The following ABCG1 variants were observed in gnomAD, a reference collection of about 807,000 sequenced individuals.
ABCG1 encodes ATP-binding cassette sub-family G member 1.
Under a neutral mutation model 69.2 loss-of-function variants are expected in ABCG1, and 29 were observed. That is an observed-to-expected ratio of 0.42 (90% CI 0.31 to 0.57). The LOEUF (loss-of-function observed/expected upper bound fraction) is 0.57, where lower values mean the gene tolerates loss of function less well. ABCG1 is among the 20% of genes least tolerant of loss of function. ABCG1 has a pLI of 0.15. For missense variants in ABCG1, 718 were observed against 898.1 expected, an observed-to-expected ratio of 0.80 and a Z score of 2.56; for synonymous variants, 370 against 374.8, an observed-to-expected ratio of 0.99 and a Z score of 0.15.
chr21:42,217,182 G>A (rs1028515284), upstream of ABCG1, among the ~76,000 whole-genome samples: 17 of 152,294 alleles, frequency 1.1e-4, no homozygotes, highest in Middle Eastern at 3.4e-3. Flanking sequence ...CTATTCTCGA[G>A]CTGAAGGTGA....
rs756794650 is a variant in ABCG1 at position 42,284,693 on chromosome 21, C to A, written c.858+10C>A. ...CGAGCTGTTCGACCAGGTACGCGGG[C>A]CCCGGGCCCTCCCCGCCAGATTACC... On this transcript the variant is annotated intron_variant, in intron 7 of 14. Coordinates refer to ENST00000398449, the MANE Select transcript of ABCG1 (RefSeq NM_016818.3). 11 of 1,611,468 alleles carry A rather than the reference C, an allele frequency of 6.8e-6. No homozygotes were observed. Among genetic ancestry groups the A allele is most frequent in the Non-Finnish European group, 9.3e-6 (11 of 1,179,786 alleles).
At chr21:42,202,917 A>G (rs2067518036) in intron 2 of ABCG1, among the ~76,000 whole-genome samples, 1 of 152,164 alleles carries the variant, frequency 6.6e-6, no homozygotes, top group Non-Finnish European at 1.5e-5. Context: ...CCAGACTTCA[A>G]CAGTCACAGC....
chr21:42,228,957 G>A (rs2067860166), intron 2 of ABCG1, among the ~76,000 whole-genome samples: 1 of 152,216 alleles, frequency 6.6e-6, no homozygotes. Flanking sequence ...GGGGCTGCAG[G>A]AGGAGCTGCA....
chr21:42,285,362 C>A (rs991415556), intron 7 of ABCG1, among the ~76,000 whole-genome samples: 1 of 151,884 alleles, frequency 6.6e-6, no homozygotes, highest in African/African-American at 2.4e-5. Flanking sequence ...AAAAATTATC[C>A]CGGTGTGGTG....
In ABCG1 at chr21:42,234,970, C is replaced by A. The variant is rs535482179; in HGVS notation, c.286+9056C>A. Among the ~76,000 whole-genome samples the A allele has an allele frequency of 1.2e-3, 184 of 152,226 alleles. 2 individuals carry two copies. The highest frequency in any genetic ancestry group is 4.3e-3 in the African/African-American group (178 of 41,560). On this transcript the variant is annotated intron_variant, in intron 2 of 14. Transcript: ENST00000398449. ...GCGGCGCGATTGGCTGCGGGCGCCCCGCGCTGTTGCCAAGCGCGAGGAGGC... is the reference window on the plus strand; with the variant it reads ...GCGGCGCGATTGGCTGCGGGCGCCCAGCGCTGTTGCCAAGCGCGAGGAGGC...
In ABCG1 at chr21:42,276,895, G is replaced by T. The variant is rs1569232532; in HGVS notation, c.538G>T (p.Val180Leu). The T allele has an allele frequency of 6.2e-7, 1 of 1,614,182 alleles. No individual in the cohort carries two copies. The highest frequency in any genetic ancestry group is 8.5e-7 in the Non-Finnish European group (1 of 1,180,024). ...PHLTVQEAMM[V>L]SAHLKLQEKD... ...ACACTGTTGTCCTTGTCCCCTGCAGGTGTCGGCACATCTGAAGCTTCAGGA... is the reference window on the plus strand; with the variant it reads ...ACACTGTTGTCCTTGTCCCCTGCAGTTGTCGGCACATCTGAAGCTTCAGGA... The change falls in exon 5 of 15, where the codon GTG becomes TTG. Residue 180 changes from valine (V) to leucine (L), a missense_variant and splice_region_variant. This residue lies in a region of ABCG1 where 514 missense variants were observed against 574.3 expected (regional missense o/e 0.90). Coordinates refer to ENST00000398449, the MANE Select transcript of ABCG1 (RefSeq NM_016818.3). The surrounding 1 kb of genome is among the most constrained non-coding windows in gnomAD (Gnocchi z 5.3).
chr21:42,210,338 G>A (rs4148090), intron 2 of ABCG1, among the ~76,000 whole-genome samples: 11,924 of 152,100 alleles, frequency 0.078, 608 homozygotes, highest in East Asian at 0.22. Flanking sequence ...GGAAACGTGG[G>A]GTACACAGTG....
intron 5 of ABCG1, among the ~76,000 whole-genome samples, chr21:42,279,908 G>C (rs748655677): frequency 1.3e-5 from 2 of 152,246 alleles, no homozygotes; most frequent in Admixed American, 6.5e-5. Flanking sequence ...TGTCCTCGTG[G>C]TGCCTGGGCC....
At chr21:42,202,747 G>T (rs2067516514) in intron 2 of ABCG1, among the ~76,000 whole-genome samples, 1 of 152,062 alleles carries the variant, frequency 6.6e-6, no homozygotes, top group African/African-American at 2.4e-5. Flanking sequence ...GAGTCGTTGA[G>T]ACTACAGGTG....
intron 10 of ABCG1, among the ~76,000 whole-genome samples, chr21:42,289,381 T>A (rs990117550): frequency 3.3e-5 from 5 of 152,132 alleles, no homozygotes; most frequent in Admixed American, 3.3e-4. Context: ...AAGTGGCAAA[T>A]CATCACTTGC....
At chr21:42,272,115 ACC>A (rs1236855720) in intron 3 of ABCG1, among the ~76,000 whole-genome samples, 1 of 152,154 alleles carries the variant, frequency 6.6e-6, no homozygotes, top group East Asian at 1.9e-4. Context: ...GGCAAATATC[ACC>A]CTTTTCCTTA....
At position 42,291,592 on chromosome 21, in the gene ABCG1, C is replaced by T. The variant is rs1476110147; in HGVS notation, c.1589C>T (p.Thr530Ile). 1 of 1,611,564 alleles carries T rather than the reference C, an allele frequency of 6.2e-7. No homozygotes were observed. The change falls in exon 13 of 15, where the codon ACC becomes ATC. Residue 530 changes from threonine to isoleucine, a missense_variant. Transcript: ENST00000398449. This position sits in a 1 kb window ranked among gnomAD's most constrained non-coding sequence, Gnocchi z 6.4. Reference sequence around the variant, plus strand: ...TTTGTGCTGTTTGCCGCGCTGGGCACCATGACCTCCCTGGTGGCACAGTCC... The same window carrying T: ...TTTGTGCTGTTTGCCGCGCTGGGCATCATGACCTCCCTGGTGGCACAGTCC... ...VRFVLFAALG[T>I]MTSLVAQSLG...
At chr21:42,266,817 G>A (rs2068513546) in intron 2 of ABCG1, among the ~76,000 whole-genome samples, 1 of 151,978 alleles carries the variant, frequency 6.6e-6, no homozygotes, top group Non-Finnish European at 1.5e-5. Context: ...TTGACATTAG[G>A]GCCCCAAGAA....
Position 42,287,334 on chromosome 21 carries a change from C to T in ABCG1, c.974-555C>T, listed in dbSNP as rs965798365. On this transcript the variant is annotated intron_variant, in intron 8 of 14. Transcript: ENST00000398449. The surrounding 1 kb of genome is among the most constrained non-coding windows in gnomAD (Gnocchi z 6.2). ...ATTGGGATGCGAGAGGCAGGAGCAG[C>T]GGGCAGGGCCGGTGCAGGAGACGCT... Among the ~76,000 whole-genome samples the T allele has an allele frequency of 9.9e-5, 15 of 152,124 alleles. No individual in the cohort carries two copies. The highest frequency in any genetic ancestry group is 2.0e-4 in the Admixed American group (3 of 15,280).
chr21:42,202,693 C>T (rs1051770902), intron 2 of ABCG1, among the ~76,000 whole-genome samples: 2 of 152,022 alleles, frequency 1.3e-5, no homozygotes, highest in African/African-American at 2.4e-5. Context: ...CTCACTGCAA[C>T]CTCTGCCTCC....
At chr21:42,280,860 G>A (rs952603756) in intron 5 of ABCG1, among the ~76,000 whole-genome samples, 6 of 152,164 alleles carry the variant, frequency 3.9e-5, no homozygotes, top group African/African-American at 1.2e-4. Flanking sequence ...ACCAGCAGTC[G>A]ATGCCAGCTG....
chr21:42,273,546 C>A lies in ABCG1; in HGVS notation c.537+111C>A. 1 of 1,332,892 alleles carries A rather than the reference C, an allele frequency of 7.5e-7. No individual in the cohort carries two copies. Among genetic ancestry groups the A allele is most frequent in the Non-Finnish European group, 1.0e-6 (1 of 984,190 alleles). 82.6% of individuals were successfully genotyped at this position (1,332,892 alleles called of 1,614,324 possible). A position where few individuals can be genotyped will look rare whatever the true frequency, so the allele number is the denominator to read the frequency against. On this transcript the variant is annotated intron_variant, in intron 4 of 14. Coordinates refer to ENST00000398449, the MANE Select transcript of ABCG1 (RefSeq NM_016818.3). This position sits in a 1 kb window ranked among gnomAD's most constrained non-coding sequence, Gnocchi z 5.3. ...GCTGCGAGGGACCCAAGGGCTCTGC[C>A]ACGCGGCCTGCACAGGGCCAGCAAC...
chr21:42,242,012 T>G (rs372249526), intron 2 of ABCG1, among the ~76,000 whole-genome samples: 2 of 149,952 alleles, frequency 1.3e-5, no homozygotes, highest in African/African-American at 4.9e-5. Context: ...CCCCATGGTG[T>G]TTTTGGTTAC....
At chr21:42,269,472 T>C (rs2068576692) in intron 2 of ABCG1, among the ~76,000 whole-genome samples, 1 of 152,212 alleles carries the variant, frequency 6.6e-6, no homozygotes, top group African/African-American at 2.4e-5. Flanking sequence ...GTAAGCATTG[T>C]CATCCACAGT....
Sources: gnomAD v4.1 joint callset for allele counts (sites outside exome capture counted in the v4.1 genomes callset) on GRCh38, gnomAD v4.1.1 for gene constraint, gnomAD v4.1.1 regional missense constraint, Gnocchi (gnomAD v3.1) non-coding constraint, MANE v1.5 for transcripts, NCBI Gene and HGNC (gene_info 2026-07-23, HGNC 2026-07-21) for gene names.